The following IPMK variants were observed in gnomAD, a reference collection of about 807,000 sequenced individuals.
The protein encoded by IPMK is inositol 1,3,4,6-tetrakisphosphate 5-kinase.
IPMK carries 17 observed loss-of-function variants against 45.8 expected under a neutral mutation model. The observed-to-expected ratio is 0.37, with a 90% CI of 0.25 to 0.56. The LOEUF (loss-of-function observed/expected upper bound fraction) is 0.56, where lower values mean the gene tolerates loss of function less well. IPMK is among the 20% of genes least tolerant of loss of function. The pLI is 0.79. For synonymous variants in IPMK, 180 were observed against 184.3 expected (o/e 0.98, Z 0.19); for missense variants, 399 against 498.0 (o/e 0.80, Z 1.89).
At position 58,196,298 on chromosome 10, in the gene IPMK, G is replaced by A; in HGVS notation, c.1029C>T (p.Asp343=). Residue 343 remains aspartate (D), a synonymous_variant, in exon 6 of 6, where the codon GAC becomes GAT. Transcript: ENST00000373935. ...TSLKVENLEQ[D]NGWKSMSQEH... ...CCTGTGACATGCTTTTCCACCCATT[G>A]TCTTGCTCCAGATTTTCAACTTTCA... 6.2e-7 allele frequency: 1 copy of A among 1,614,088 alleles called. No homozygotes were observed. The highest frequency in any genetic ancestry group is 2.2e-5 in the East Asian group (1 of 44,864).
intron 1 of IPMK, among the ~76,000 whole-genome samples, chr10:58,238,887 T>C (rs1025792754): frequency 6.6e-6 from 1 of 151,876 alleles, no homozygotes; most frequent in South Asian, 2.1e-4. Context: ...AGGCCAGGCA[T>C]GCTGGCTCAC....
rs1184578185 is a variant in IPMK at position 58,254,608 on chromosome 10, A to G, written c.190+12814T>C. ...TAGTACCATACTTCGTTGGATTTTCACAATCCTTGCATCTTTATGTTGATG... is the reference window on the plus strand; with the variant it reads ...TAGTACCATACTTCGTTGGATTTTCGCAATCCTTGCATCTTTATGTTGATG... On this transcript the variant is annotated intron_variant, in intron 1 of 5. Coordinates refer to ENST00000373935, the MANE Select transcript of IPMK (RefSeq NM_152230.5). Among the ~76,000 whole-genome samples the G allele has an allele frequency of 2.6e-5, 4 of 152,218 alleles. No individual in the cohort carries two copies. In the East Asian group the frequency reaches 7.7e-4, roughly 29 times the overall value.
At chr10:58,242,454 C>A (rs1432189725) in intron 1 of IPMK, among the ~76,000 whole-genome samples, 2 of 130,916 alleles carry the variant, frequency 1.5e-5, no homozygotes, top group Admixed American at 7.5e-5. Flanking sequence ...AGCGAGACTC[C>A]GTCTCAAAAA....
intron 3 of IPMK, among the ~76,000 whole-genome samples, chr10:58,225,174 A>G (rs1838394198): frequency 6.6e-6 from 1 of 152,062 alleles, no homozygotes; most frequent in Non-Finnish European, 1.5e-5. Flanking sequence ...TCATCCTCTC[A>G]TCTTAGGAGC....
intron 1 of IPMK, among the ~76,000 whole-genome samples, chr10:58,257,681 G>C (rs1015079017): frequency 6.6e-6 from 1 of 152,008 alleles, no homozygotes; most frequent in African/African-American, 2.4e-5. Flanking sequence ...CAAACCCCTA[G>C]ACACTTTTTG....
intron 2 of IPMK, among the ~76,000 whole-genome samples, chr10:58,230,529 C>A (rs1028511011): frequency 6.6e-6 from 1 of 152,166 alleles, no homozygotes; most frequent in African/African-American, 2.4e-5. Context: ...GATAACCAGG[C>A]AAACGGTCTG....
rs1308151272 is a variant in IPMK at position 58,267,642 on chromosome 10, G to C, written c.-31C>G. 6.6e-7 allele frequency: 1 copy of C among 1,508,870 alleles called. No homozygotes were observed. The allele number at this position is 1,508,870 out of a possible 1,614,324, so 93.5% of individuals were successfully genotyped here. A position where few individuals can be genotyped will look rare whatever the true frequency, so the allele number is the denominator to read the frequency against. On this transcript the variant is annotated 5_prime_UTR_variant, in exon 1 of 6. Transcript: ENST00000373935. ...AGAGCAGAAGCGGTAACGGCAGCGA[G>C]AGTAGGAAAAAAAATAGGGCGAGGG...
At chr10:58,234,131 G>C (rs1486179727) in intron 2 of IPMK, among the ~76,000 whole-genome samples, 1 of 152,052 alleles carries the variant, frequency 6.6e-6, no homozygotes, top group East Asian at 1.9e-4. Flanking sequence ...CCTCTTCAAG[G>C]AGAACTACAA....
At position 58,237,715 on chromosome 10, in the gene IPMK, C is replaced by T; in HGVS notation, c.276+14G>A. On this transcript the variant is annotated intron_variant, in intron 2 of 5. Coordinates refer to ENST00000373935, the MANE Select transcript of IPMK (RefSeq NM_152230.5). ...ACACTTTGAAGACAACAAAACAAAT[C>T]TTACCTCACTTACCATATTATAGAA... The T allele has an allele frequency of 6.3e-7, 1 of 1,594,764 alleles. No homozygotes were observed. Among genetic ancestry groups the T allele is most frequent in the Non-Finnish European group, 8.6e-7 (1 of 1,163,792 alleles).
chr10:58,203,655 C>A (rs1838029619), intron 4 of IPMK, among the ~76,000 whole-genome samples: 2 of 152,104 alleles, frequency 1.3e-5, no homozygotes, highest in Admixed American at 6.5e-5. Flanking sequence ...AAAGTGGTTT[C>A]TTGAGATGGA....
rs768862794 is a variant in IPMK, at chr10:58,267,499, C to T, written c.113G>A (p.Gly38Asp). The change falls in exon 1 of 6, where the codon GGC (glycine) becomes GAC (aspartate). Residue 38 changes from glycine to aspartate, a missense_variant. This residue lies in a region of IPMK where 111 missense variants were observed against 99.9 expected (regional missense o/e 1.11). Transcript: ENST00000373935. ...TPEGTPQPAG[G>D]RLRFLNGCVP... is the part of the protein sequence containing the mutation. ...GCAGCCGTTGAGGAAGCGGAGTCTGCCGCCCGCCGGCTGCGGGGTGCCCTC... is the reference window on the plus strand; with the variant it reads ...GCAGCCGTTGAGGAAGCGGAGTCTGTCGCCCGCCGGCTGCGGGGTGCCCTC... 3 of 1,613,394 alleles carry T rather than the reference C, an allele frequency of 1.9e-6. No individual in the cohort carries two copies. Among genetic ancestry groups the T allele is most frequent in the South Asian group, 2.2e-5 (2 of 91,060 alleles).
At chr10:58,222,101 G>A (rs147339655) in intron 3 of IPMK, among the ~76,000 whole-genome samples, 38 of 152,176 alleles carry the variant, frequency 2.5e-4, no homozygotes, top group Middle Eastern at 3.4e-3. Flanking sequence ...GCCCAGGCTG[G>A]TCTTGAACTC....
At chr10:58,259,975 A>G (rs754229232) in intron 1 of IPMK, among the ~76,000 whole-genome samples, 1 of 152,236 alleles carries the variant, frequency 6.6e-6, no homozygotes, top group Non-Finnish European at 1.5e-5. Context: ...AATATCTAAC[A>G]GTCTCAAAAT....
chr10:58,250,993 T>G (rs2132174184), intron 1 of IPMK, among the ~76,000 whole-genome samples: 1 of 152,314 alleles, frequency 6.6e-6, no homozygotes, highest in Admixed American at 6.5e-5. Context: ...TTTGCCATAG[T>G]ATGTCAAACC....
chr10:58,254,776 G>A (rs757337271), intron 1 of IPMK, among the ~76,000 whole-genome samples: 11 of 152,190 alleles, frequency 7.2e-5, no homozygotes, highest in Non-Finnish European at 1.5e-4. Context: ...GTAAGTACTG[G>A]AACTAAAACC....
In IPMK at chr10:58,192,109, A is replaced by C. The variant is rs1352728277; in HGVS notation, c.*3967T>G. On this transcript the variant is annotated 3_prime_UTR_variant, in exon 6 of 6. Coordinates refer to ENST00000373935, the MANE Select transcript of IPMK (RefSeq NM_152230.5). ...TATTAATATAAGTAATGAGAATTTA[A>C]GTATTAACTCAAAAAAAGATAGAGG... 6.6e-6 allele frequency: 1 copy of C among 152,076 alleles called. No homozygotes were observed. The highest frequency in any genetic ancestry group is 1.5e-5 in the Non-Finnish European group (1 of 67,916). 9.4% of individuals were successfully genotyped at this position (152,076 alleles called of 1,614,324 possible). A position where few individuals can be genotyped will look rare whatever the true frequency, so the allele number is the denominator to read the frequency against.
intron 4 of IPMK, among the ~76,000 whole-genome samples, chr10:58,209,702 T>C (rs1838129207): frequency 6.6e-6 from 1 of 152,176 alleles, no homozygotes; most frequent in South Asian, 2.1e-4. Flanking sequence ...GTAGGTTTAG[T>C]GTGCTGGCTT....
chr10:58,267,334 C>A (rs995264366), intron 1 of IPMK, 88 bp downstream of exon 1: 1 of 1,354,012 alleles, frequency 7.4e-7, no homozygotes. Flanking sequence ...GGCGTCCAGG[C>A]AGGCCCGAGA....
chr10:58,224,299 T>C (rs1036455906), intron 3 of IPMK, among the ~76,000 whole-genome samples: 7 of 152,364 alleles, frequency 4.6e-5, no homozygotes, highest in Middle Eastern at 3.4e-3. Context: ...TATACTTTTC[T>C]ATCCCTCCAA....
Sources: gnomAD v4.1 joint callset for allele counts (sites outside exome capture counted in the v4.1 genomes callset) on GRCh38, gnomAD v4.1.1 for gene constraint, gnomAD v4.1.1 regional missense constraint, MANE v1.5 for transcripts, NCBI Gene and HGNC (gene_info 2026-07-23, HGNC 2026-07-21) for gene names.